The following RBBP4 variants were observed in gnomAD, a reference collection of about 807,000 sequenced individuals.
RBBP4 encodes the protein histone-binding protein RBBP4.
Under a neutral mutation model 57.2 loss-of-function variants are expected in RBBP4, and 3 were observed. That is an observed-to-expected ratio of 0.05 (90% confidence interval 0.02 to 0.14). The LOEUF (loss-of-function observed/expected upper bound fraction) is 0.14. Ranked by LOEUF, RBBP4 falls within the 10% of genes least tolerant of loss-of-function variation. RBBP4 has a pLI of 1.00. For synonymous variants in RBBP4, 151 were observed against 171.5 expected (o/e 0.88, Z 0.93); for missense variants, 107 against 520.6 (o/e 0.21, Z 7.73).
rs185412911 is a variant in RBBP4, at chr1:32,669,734, T to C, written c.966+171T>C. The stretch of plus-strand genomic sequence containing the variant: ...TGAAACCCTGTCTCTACTAAAAATA[T>C]AAAAAATTAGCCGGGCATGGTGGCG... On this transcript the variant is annotated intron_variant, in intron 8 of 11. Coordinates refer to ENST00000373493, the MANE Select transcript of RBBP4 (RefSeq NM_005610.3). The surrounding 1 kb of genome is among the most constrained non-coding windows in gnomAD (Gnocchi z 4.9). Among the ~76,000 whole-genome samples, 188 of 151,954 alleles carry C rather than the reference T, an allele frequency of 1.2e-3. No individual in the cohort carries two copies. The highest frequency in any genetic ancestry group is 4.3e-3 in the African/African-American group (179 of 41,444).
At chr1:32,656,619 T>C (rs1268508134) in intron 2 of RBBP4, among the ~76,000 whole-genome samples, 1 of 152,188 alleles carries the variant, frequency 6.6e-6, no homozygotes, top group Non-Finnish European at 1.5e-5. Flanking sequence ...CCCAAAGTGC[T>C]GGGATTACAG....
chr1:32,657,428 C>T lies in RBBP4; in HGVS notation c.166C>T (p.Pro56Ser). The change falls in exon 3 of 12, where the codon CCA (proline) becomes TCA (serine). Residue 56 changes from proline to serine, a missense_variant and splice_region_variant. By Grantham distance (74) the Pro-to-Ser change is moderately conservative (BLOSUM62 -1). Around this residue, in one of 3 missense-constraint regions of RBBP4, gnomAD observed 92 missense variants for 408.5 expected, o/e 0.23. Transcript: ENST00000373493. Reference sequence around the variant, plus strand: ...AGTGACTATATATTGCCGTTACAGACCAGAAGGGAAAGATTTCAGCATTCA... The same window carrying T: ...AGTGACTATATATTGCCGTTACAGATCAGAAGGGAAAGATTTCAGCATTCA... ...TAQWLPDVTR[P>S]EGKDFSIHRL... 1 of 1,612,196 alleles carries T rather than the reference C, an allele frequency of 6.2e-7. No homozygotes were observed. Among genetic ancestry groups the T allele is most frequent in the Non-Finnish European group, 8.5e-7 (1 of 1,179,454 alleles).
chr1:32,671,297 G>C (rs1268838475), intron 8 of RBBP4, among the ~76,000 whole-genome samples: 1 of 152,144 alleles, frequency 6.6e-6, no homozygotes, highest in Admixed American at 6.6e-5. Flanking sequence ...GAATAGACAA[G>C]ATGTAGGCCG....
intron 11 of RBBP4, among the ~76,000 whole-genome samples, chr1:32,673,163 T>C (rs1424419337): frequency 6.6e-6 from 1 of 152,172 alleles, no homozygotes; most frequent in African/African-American, 2.4e-5. Flanking sequence ...TTTCTTTCTT[T>C]TTGTATGACT....
chr1:32,661,436 A>C (rs940648406), intron 3 of RBBP4, among the ~76,000 whole-genome samples: 7 of 151,574 alleles, frequency 4.6e-5, no homozygotes, highest in Non-Finnish European at 8.8e-5. Flanking sequence ...CTGGGATTAC[A>C]GTCATGCGCC....
chr1:32,666,258 G>A (rs536247859), intron 3 of RBBP4, among the ~76,000 whole-genome samples: 1 of 152,146 alleles, frequency 6.6e-6, no homozygotes, highest in Admixed American at 6.6e-5. Flanking sequence ...TGCAAGAAGG[G>A]CACTTTAGTG....
Position 32,657,300 on chromosome 1 carries a change from C to T in RBBP4, c.165-127C>T, listed in dbSNP as rs902546995. The T allele has an allele frequency of 4.6e-6, 4 of 870,022 alleles. No homozygotes were observed. In the African/African-American group the frequency reaches 7.0e-5, roughly 15 times the overall value. The allele number at this position is 870,022 out of a possible 1,614,324, so 53.9% of individuals were successfully genotyped here. A position where few individuals can be genotyped will look rare whatever the true frequency, so the allele number is the denominator to read the frequency against. ...ATAAAAAAAGAAAGAAAGAAAAGAC[C>T]CTTAATGACTTTTTCCCCTCTCTTA... On this transcript the variant is annotated intron_variant, in intron 2 of 11. Transcript: ENST00000373493.
chr1:32,652,374 A>AG (rs1460846562), intron 2 of RBBP4: 1 of 232,358 alleles, frequency 4.3e-6, no homozygotes, highest in Non-Finnish European at 8.6e-6. Context: ...TATTATGGCC[A>AG]GGAGCAGTGG....
chr1:32,672,239 C>T (rs1648910205), intron 8 of RBBP4, among the ~76,000 whole-genome samples: 1 of 152,150 alleles, frequency 6.6e-6, no homozygotes, highest in Non-Finnish European at 1.5e-5. Context: ...ATCCACCCGC[C>T]TCCCAAAGTG....
At chr1:32,651,393 A>G in intron 1 of RBBP4, 71 bp downstream of exon 1, 1 of 1,399,650 alleles carries the variant, frequency 7.1e-7, no homozygotes, top group Non-Finnish European at 9.3e-7. Flanking sequence ...ACATGGCCTA[A>G]CAGTGAGGGC....
chr1:32,659,795 T>C (rs1648320366), intron 3 of RBBP4, among the ~76,000 whole-genome samples: 1 of 152,212 alleles, frequency 6.6e-6, no homozygotes, highest in Non-Finnish European at 1.5e-5. Flanking sequence ...CCTGCCTCCT[T>C]TTGATGGCTG....
intron 1 of RBBP4, 143 bp downstream of exon 1, chr1:32,651,465 G>T: frequency 7.3e-7 from 1 of 1,367,310 alleles, no homozygotes; most frequent in Non-Finnish European, 9.5e-7. Context: ...ACTCCCCGCG[G>T]GGCGTGCTAA....
intron 3 of RBBP4, among the ~76,000 whole-genome samples, chr1:32,666,427 C>T (rs566159139): frequency 1.6e-4 from 24 of 151,406 alleles, no homozygotes; most frequent in African/African-American, 5.1e-4. Flanking sequence ...GGCACGATCT[C>T]GGCTCACTGC....
chr1:32,662,669 C>T (rs558543273), intron 3 of RBBP4, among the ~76,000 whole-genome samples: 141 of 152,042 alleles, frequency 9.3e-4, no homozygotes, highest in Non-Finnish European at 1.7e-3. Context: ...CCACCATGCC[C>T]AGCCTAGTTT....
rs905798722 is a variant in RBBP4, at chr1:32,681,019, C to T, written c.*1314C>T. On this transcript the variant is annotated 3_prime_UTR_variant, in exon 12 of 12. Coordinates refer to ENST00000373493, the MANE Select transcript of RBBP4 (RefSeq NM_005610.3). Reference sequence around the variant, plus strand: ...CCTTTTCTCAGAGGTTTTATTTCCCCAGTATGTTTTTCACTGGGGCCTTTA... The same window carrying T: ...CCTTTTCTCAGAGGTTTTATTTCCCTAGTATGTTTTTCACTGGGGCCTTTA... The T allele has an allele frequency of 6.5e-6, 1 of 153,518 alleles. No homozygotes were observed. Among genetic ancestry groups the T allele is most frequent in the Non-Finnish European group, 1.5e-5 (1 of 68,724 alleles). The allele number at this position is 153,518 out of a possible 1,614,324, so 9.5% of individuals were successfully genotyped here.
intron 3 of RBBP4, among the ~76,000 whole-genome samples, chr1:32,666,565 C>T (rs1312598795): frequency 6.6e-6 from 1 of 152,080 alleles, no homozygotes; most frequent in Non-Finnish European, 1.5e-5. Context: ...CCATATCGGT[C>T]AGGCTGGTCT....
At chr1:32,659,070 A>G (rs1648283102) in intron 3 of RBBP4, among the ~76,000 whole-genome samples, 1 of 147,614 alleles carries the variant, frequency 6.8e-6, no homozygotes, top group South Asian at 2.1e-4. Flanking sequence ...TAAATTATAT[A>G]TGTAAAACTA....
chr1:32,651,716 G>C, intron 1 of RBBP4, 198 bp from the exon 2 acceptor site: 1 of 800,734 alleles, frequency 1.2e-6, no homozygotes. Flanking sequence ...CCTGGAACGG[G>C]TAACGGAGTG....
intron 3 of RBBP4, among the ~76,000 whole-genome samples, chr1:32,665,014 T>C (rs1475433652): frequency 6.6e-6 from 1 of 152,196 alleles, no homozygotes; most frequent in Admixed American, 6.5e-5. Context: ...AGGCACCAAC[T>C]GAACACATGT....
Sources: allele counts gnomAD v4.1 joint callset (sites outside exome capture counted in the v4.1 genomes callset), GRCh38; gene constraint gnomAD v4.1.1; regional missense constraint gnomAD v4.1.1; non-coding constraint Gnocchi (gnomAD v3.1); transcripts MANE v1.5; gene names NCBI Gene and HGNC (gene_info 2026-07-23, HGNC 2026-07-21).